Variants in SV2B observed in about 807,000 individuals in gnomAD.
SV2B encodes the protein solute carrier family 22 member B2.
Under a neutral mutation model 73.9 loss-of-function variants are expected in SV2B, and 41 were observed. That is an observed-to-expected ratio of 0.56 (90% CI 0.43 to 0.72). The LOEUF is 0.72. Among genes scored for constraint, SV2B ranks in the 30% least tolerant of loss-of-function variants. SV2B has a pLI of 0.00. For synonymous variants in SV2B, 314 were observed against 314.2 expected, an observed-to-expected ratio of 1.00 and a Z score of 0.01; for missense variants, 764 against 857.8, an observed-to-expected ratio of 0.89 and a Z score of 1.37.
rs560049455 is a variant in SV2B at position 91,141,874 on chromosome 15, G to A, written c.-392+41511G>A. Among the ~76,000 whole-genome samples, 13 of 152,182 alleles carry A rather than the reference G, an allele frequency of 8.5e-5. No individual in the cohort carries two copies. The highest frequency in any genetic ancestry group is 4.6e-4 in the Admixed American group (7 of 15,272). The stretch of plus-strand genomic sequence containing the variant: ...GTATGTTTAAAAGACTGACACTGTC[G>A]GACGGGAATTGGCAGTAGAGAACAC... On this transcript the variant is annotated intron_variant, in intron 1 of 12. Coordinates refer to ENST00000394232, the MANE Select transcript of SV2B (RefSeq NM_001323032.3). This position sits in a 1 kb window ranked among gnomAD's most constrained non-coding sequence, Gnocchi z 4.6.
At chr15:91,158,637 TTCTC>T (rs1278215680) in intron 1 of SV2B, among the ~76,000 whole-genome samples, 1,478 of 38,610 alleles carry the variant, frequency 0.038, 418 homozygotes, top group African/African-American at 0.082. Flanking sequence ...ATTTTCCCTC[TTCTC>T]TTCTCTTCTC....
intron 1 of SV2B, among the ~76,000 whole-genome samples, chr15:91,194,707 C>T (rs1435891024): frequency 6.6e-6 from 1 of 152,226 alleles, no homozygotes; most frequent in Non-Finnish European, 1.5e-5. Context: ...GGACAACTCA[C>T]TGACTTCAAC....
intron 1 of SV2B, among the ~76,000 whole-genome samples, chr15:91,104,471 T>A (rs2041823009): frequency 6.6e-6 from 1 of 152,224 alleles, no homozygotes; most frequent in South Asian, 2.1e-4. Context: ...ATGACAAAAT[T>A]AAGGCACAAG....
chr15:91,128,464 T>C lies in SV2B; in HGVS notation c.-392+28101T>C, dbSNP rs1328287680. Among the ~76,000 whole-genome samples, 4 of 152,162 alleles carry C rather than the reference T, an allele frequency of 2.6e-5. No individual in the cohort carries two copies. Among genetic ancestry groups the C allele is most frequent in the African/African-American group, 9.7e-5 (4 of 41,420 alleles). ...GAGATCCCTACATTGCTATTGGCGC[T>C]CAGAAAACAATATCCAAAAATGAAG... On this transcript the variant is annotated intron_variant, in intron 1 of 12. Transcript: ENST00000394232. The surrounding 1 kb of genome is among the most constrained non-coding windows in gnomAD (Gnocchi z 4.2).
At chr15:91,147,432 C>A (rs1055595974) in intron 1 of SV2B, among the ~76,000 whole-genome samples, 2 of 152,180 alleles carry the variant, frequency 1.3e-5, no homozygotes, top group African/African-American at 4.8e-5. Context: ...AGTGCCAGTG[C>A]CACAGACAAG....
chr15:91,261,508 A>G lies in SV2B; in HGVS notation c.1008+1099A>G, dbSNP rs1208389934. ...ACCTTGTTCCTGTAAATATTAGTGC[A>G]ATGAACCTTCTTGTGCACATAGTTC... On this transcript the variant is annotated intron_variant, in intron 6 of 12. Transcript: ENST00000394232. The surrounding 1 kb of genome is among the most constrained non-coding windows in gnomAD (Gnocchi z 4.7). 2.0e-5 allele frequency among the ~76,000 whole-genome samples: 3 copies of G among 152,136 alleles called. No homozygotes were observed. Among genetic ancestry groups the G allele is most frequent in the Admixed American group, 6.5e-5 (1 of 15,280 alleles).
In SV2B at chr15:91,283,299, G is replaced by T. The variant is rs557235631; in HGVS notation, c.1508-722G>T. Among the ~76,000 whole-genome samples the T allele has an allele frequency of 1.3e-5, 2 of 152,344 alleles. No homozygotes were observed. The highest frequency in any genetic ancestry group is 3.9e-4 in the East Asian group (2 of 5,190). ...TACAGCATGGGCTCTGGAGTGATCG[G>T]CTCCATCTGGAACCAACTCTCTTGT... On this transcript the variant is annotated intron_variant, in intron 10 of 12. Coordinates refer to ENST00000394232, the MANE Select transcript of SV2B (RefSeq NM_001323032.3). This position sits in a 1 kb window ranked among gnomAD's most constrained non-coding sequence, Gnocchi z 4.3.
At chr15:91,109,842 C>T (rs2041989874) in intron 1 of SV2B, among the ~76,000 whole-genome samples, 1 of 152,120 alleles carries the variant, frequency 6.6e-6, no homozygotes, top group Non-Finnish European at 1.5e-5. Context: ...CCCAAGCAAT[C>T]CTCTCACCTC....
In SV2B at chr15:91,289,215, C is replaced by G. The variant is rs1329446071; in HGVS notation, c.1709-306C>G. ...AACAATGTCTGGTACATAATAGATT[C>G]TCAACAAATGCCCCTATCTGCCCCG... On this transcript the variant is annotated intron_variant, in intron 11 of 12. Coordinates refer to ENST00000394232, the MANE Select transcript of SV2B (RefSeq NM_001323032.3). This position sits in a 1 kb window ranked among gnomAD's most constrained non-coding sequence, Gnocchi z 4.9. 6.6e-6 allele frequency among the ~76,000 whole-genome samples: 1 copy of G among 152,192 alleles called. No homozygotes were observed. The highest frequency in any genetic ancestry group is 2.4e-5 in the African/African-American group (1 of 41,460).
At chr15:91,201,840 G>A (rs1426348472) in intron 1 of SV2B, among the ~76,000 whole-genome samples, 2 of 152,126 alleles carry the variant, frequency 1.3e-5, no homozygotes, top group Admixed American at 6.6e-5. Flanking sequence ...TGTATGGCCT[G>A]GGTTATAACA....
intron 4 of SV2B, among the ~76,000 whole-genome samples, chr15:91,255,043 G>T (rs964847119): frequency 6.6e-6 from 1 of 152,184 alleles, no homozygotes; most frequent in African/African-American, 2.4e-5. Context: ...GCTATGGGTA[G>T]GGTCAGTCCC....
intron 4 of SV2B, among the ~76,000 whole-genome samples, chr15:91,257,832 C>G (rs1383163925): frequency 6.6e-6 from 1 of 152,156 alleles, no homozygotes; most frequent in East Asian, 1.9e-4. Flanking sequence ...TGCTCAGGAC[C>G]CAGGAATTCC....
rs1009175058 is a variant in SV2B at position 91,136,129 on chromosome 15, G to A, written c.-392+35766G>A. ...TACTTTACCACCTTCACAAAGTACT[G>A]CCTTCACAGACTCCTAGGGATCTGG... is the stretch of plus-strand genomic sequence containing the variant. On this transcript the variant is annotated intron_variant, in intron 1 of 12. Coordinates refer to ENST00000394232, the MANE Select transcript of SV2B (RefSeq NM_001323032.3). This position sits in a 1 kb window ranked among gnomAD's most constrained non-coding sequence, Gnocchi z 5.6. Among the ~76,000 whole-genome samples the A allele has an allele frequency of 6.6e-6, 1 of 152,156 alleles. No individual in the cohort carries two copies. The highest frequency in any genetic ancestry group is 1.5e-5 in the Non-Finnish European group (1 of 68,030).
chr15:91,101,263 A>C (rs1455900960), intron 1 of SV2B, among the ~76,000 whole-genome samples: 1 of 151,688 alleles, frequency 6.6e-6, no homozygotes, highest in African/African-American at 2.4e-5. Context: ...TGCATGAGGG[A>C]GGACTGGGCA....
At chr15:91,278,838 G>A (rs1028395115) in intron 9 of SV2B, among the ~76,000 whole-genome samples, 4 of 152,068 alleles carry the variant, frequency 2.6e-5, no homozygotes, top group African/African-American at 9.7e-5. Context: ...AAGGTAATAT[G>A]TGAGAAGCCG....
rs1483969386 is a variant in SV2B at position 91,100,564 on chromosome 15, GA to G, written c.-392+202del. Reference sequence around the variant, plus strand: ...AAAGCAAGGACTTGCCCGCTGCCTGGAGCTGTGCGCTTCTTTGAAAGCGGCC... The same window carrying G: ...AAAGCAAGGACTTGCCCGCTGCCTGGGCTGTGCGCTTCTTTGAAAGCGGCC... On this transcript the variant is annotated intron_variant, in intron 1 of 12. Coordinates refer to ENST00000394232, the MANE Select transcript of SV2B (RefSeq NM_001323032.3). The surrounding 1 kb of genome is among the most constrained non-coding windows in gnomAD (Gnocchi z 6.4). Among the ~76,000 whole-genome samples the G allele has an allele frequency of 1.3e-5, 2 of 152,232 alleles. No individual in the cohort carries two copies. The highest frequency in any genetic ancestry group is 3.8e-4 in the East Asian group (2 of 5,206).
At chr15:91,113,634 T>C (rs1177212872) in intron 1 of SV2B, among the ~76,000 whole-genome samples, 1 of 152,198 alleles carries the variant, frequency 6.6e-6, no homozygotes, top group Non-Finnish European at 1.5e-5. Flanking sequence ...ACCAGGAGCA[T>C]ATACATCTGA....
chr15:91,286,509 T>C (rs1228611458), intron 11 of SV2B, among the ~76,000 whole-genome samples: 1 of 152,198 alleles, frequency 6.6e-6, no homozygotes, highest in African/African-American at 2.4e-5. Context: ...GCAACAGTAA[T>C]TGAGACAGAC....
At chr15:91,189,113 C>T (rs1056146784) in intron 1 of SV2B, among the ~76,000 whole-genome samples, 6 of 152,068 alleles carry the variant, frequency 3.9e-5, no homozygotes, top group South Asian at 4.1e-4. Context: ...GGAATGAGCA[C>T]GGCTGTACGT....
Sources: allele counts gnomAD v4.1 joint callset (sites outside exome capture counted in the v4.1 genomes callset), GRCh38; gene constraint gnomAD v4.1.1; non-coding constraint Gnocchi (gnomAD v3.1); transcripts MANE v1.5; gene names NCBI Gene and HGNC (gene_info 2026-07-23, HGNC 2026-07-21).